The following ATP9A variants were observed in gnomAD, a reference collection of about 807,000 sequenced individuals.
ATP9A encodes the protein ATPase phospholipid transporting 9A.
Under a neutral mutation model 144.1 loss-of-function variants are expected in ATP9A, and 52 were observed. The ratio of observed to expected loss-of-function variants is 0.36; its 90% CI spans 0.29 to 0.45. The LOEUF is 0.45. Among genes scored for constraint, ATP9A ranks in the 20% least tolerant of loss-of-function variants. The probability of loss-of-function intolerance (pLI) is 1.00; values close to 1 mark genes in which losing one functional copy is unlikely to be tolerated. For missense variants in ATP9A, 947 were observed against 1,392.7 expected, an observed-to-expected ratio of 0.68 and a Z score of 5.09; for synonymous variants, 582 against 557.4, an observed-to-expected ratio of 1.04 and a Z score of -0.62.
intron 21 of ATP9A, among the ~76,000 whole-genome samples, chr20:51,618,297 C>A (rs999280196): frequency 3.3e-5 from 5 of 151,790 alleles, no homozygotes; most frequent in Non-Finnish European, 7.4e-5. Context: ...CCCATTCTAC[C>A]ATAAGCAAAC....
chr20:51,653,830 C>G lies in ATP9A; in HGVS notation c.1506+3108G>C, dbSNP rs532349463. Among the ~76,000 whole-genome samples, 12 of 151,882 alleles carry G rather than the reference C, an allele frequency of 7.9e-5. No individual in the cohort carries two copies. The South Asian group carries it at 1.0e-3, about 13-fold the overall frequency. On this transcript the variant is annotated intron_variant, in intron 14 of 27. Transcript: ENST00000338821. ...CCTGTAGTCCCAGCACTATGGGAGG[C>G]TGAAGGATCACTTGAGGTCAGGAGC...
intron 4 of ATP9A, among the ~76,000 whole-genome samples, chr20:51,705,594 A>G (rs1289236393): frequency 6.6e-6 from 1 of 152,230 alleles, no homozygotes; most frequent in Non-Finnish European, 1.5e-5. Flanking sequence ...CACTTCTTTC[A>G]AGGCTAATTG....
chr20:51,619,511 C>T (rs1230612026), intron 19 of ATP9A, among the ~76,000 whole-genome samples: 3 of 148,074 alleles, frequency 2.0e-5, no homozygotes, highest in African/African-American at 5.0e-5. Flanking sequence ...TGCAGTGAGC[C>T]GAGATCATGC....
At chr20:51,676,305 G>GT in intron 9 of ATP9A, 97 bp from the exon 10 acceptor site, 3 of 970,538 alleles carry the variant, frequency 3.1e-6, no homozygotes, top group South Asian at 3.3e-5. Flanking sequence ...GAGAGACTGG[G>GT]TTCTTTTTTT....
At chr20:51,651,866 T>A (rs1238994591) in intron 14 of ATP9A, among the ~76,000 whole-genome samples, 1 of 152,030 alleles carries the variant, frequency 6.6e-6, no homozygotes, top group Non-Finnish European at 1.5e-5. Flanking sequence ...GAGGCGGAGA[T>A]TGCAGTGAGC....
At chr20:51,687,896 A>G (rs953256040) in intron 9 of ATP9A, among the ~76,000 whole-genome samples, 1 of 152,234 alleles carries the variant, frequency 6.6e-6, no homozygotes. Flanking sequence ...TTCATCTAAT[A>G]GTAAAGACAG....
At chr20:51,631,208 T>C (rs1042777998) in intron 15 of ATP9A, among the ~76,000 whole-genome samples, 1 of 152,188 alleles carries the variant, frequency 6.6e-6, no homozygotes, top group Non-Finnish European at 1.5e-5. Flanking sequence ...AACTTTCAAA[T>C]GCCCCTTAAT....
chr20:51,768,227 G>T, intron 1 of ATP9A, 75 bp downstream of exon 1: 2 of 1,027,438 alleles, frequency 1.9e-6, no homozygotes, highest in African/African-American at 1.7e-5. Context: ...AACCTGTCAG[G>T]CCCGGCCAGG....
At chr20:51,654,464 A>G (rs2077379312) in intron 14 of ATP9A, among the ~76,000 whole-genome samples, 1 of 151,198 alleles carries the variant, frequency 6.6e-6, no homozygotes. Flanking sequence ...AAATGGGTTA[A>G]AAAAAAAATT....
At chr20:51,765,896 G>A (rs1409085757) in intron 1 of ATP9A, among the ~76,000 whole-genome samples, 1 of 152,088 alleles carries the variant, frequency 6.6e-6, no homozygotes, top group Non-Finnish European at 1.5e-5. Context: ...GGCAGAGGTT[G>A]CAGTGGGCCA....
chr20:51,744,699 TC>T (rs1326418107), intron 1 of ATP9A, among the ~76,000 whole-genome samples: 1 of 152,112 alleles, frequency 6.6e-6, no homozygotes, highest in African/African-American at 2.4e-5. Context: ...TGCTGGGAGT[TC>T]CCCTATAATC....
In ATP9A at chr20:51,610,150, C is replaced by T. The variant is rs776080418; in HGVS notation, c.2587G>A (p.Val863Met). The change falls in exon 24 of 28, where the codon GTG becomes ATG. Residue 863 changes from valine to methionine, a missense_variant. Transcript: ENST00000338821. ...ISTMQAVFSS[V>M]FYFASVPLYQ... is the part of the protein sequence containing the mutation. Reference sequence around the variant, plus strand: ...AGAGGGACGGAGGCAAAGTAAAACACGGAGGAAAAGACAGCCTGTGCCAAG... The same window carrying T: ...AGAGGGACGGAGGCAAAGTAAAACATGGAGGAAAAGACAGCCTGTGCCAAG... 8 of 1,610,226 alleles carry T rather than the reference C, an allele frequency of 5.0e-6. No homozygotes were observed. Among genetic ancestry groups the T allele is most frequent in the Non-Finnish European group, 6.8e-6 (8 of 1,176,510 alleles).
intron 24 of ATP9A, 100 bp from the exon 25 acceptor site, chr20:51,608,726 A>C: frequency 1.3e-6 from 1 of 758,504 alleles, no homozygotes; most frequent in Non-Finnish European, 2.4e-6. Context: ...GCCTCTAACA[A>C]ATATTTACTG....
At position 51,699,333 on chromosome 20, in the gene ATP9A, CAAAA is replaced by C. The variant is rs74175569; in HGVS notation, c.437-1855_437-1852del. On this transcript the variant is annotated intron_variant, in intron 4 of 27. Transcript: ENST00000338821. ...GGGCGACACAAGCAAAACTCAATCT[CAAAA>C]AAAAAAAAAAAAAAAAAGAACTTAA... 1.7e-4 allele frequency among the ~76,000 whole-genome samples: 12 copies of C among 70,458 alleles called. No homozygotes were observed. In the South Asian group the frequency reaches 3.1e-3, roughly 18 times the overall value. The allele number at this position is 70,458 out of a possible 152,430, so 46.2% of individuals were successfully genotyped here.
At chr20:51,742,540 G>A (rs564712152) in intron 1 of ATP9A, among the ~76,000 whole-genome samples, 50 of 151,336 alleles carry the variant, frequency 3.3e-4, no homozygotes, top group Admixed American at 2.2e-3. Flanking sequence ...TTTTTGAGAC[G>A]CAGTCTTGCT....
chr20:51,768,343 C>T lies in ATP9A; in HGVS notation c.27G>A (p.Pro9=). The T allele has an allele frequency of 7.7e-7, 1 of 1,304,862 alleles. No individual in the cohort carries two copies. Among genetic ancestry groups the T allele is most frequent in the Non-Finnish European group, 9.8e-7 (1 of 1,016,484 alleles). 80.8% of individuals were successfully genotyped at this position (1,304,862 alleles called of 1,614,324 possible). The change falls in exon 1 of 28, where the codon CCG becomes CCA. Residue 9 remains proline (P), a synonymous_variant. Transcript: ENST00000338821. Reference sequence around the variant, plus strand: ...TGTCCATCCGCTTCTTCTGGCGCACCGGCTGCAGCGGGATGTTGTCCGTCA... The same window carrying T: ...TGTCCATCCGCTTCTTCTGGCGCACTGGCTGCAGCGGGATGTTGTCCGTCA... MTDNIPLQ[P]VRQKKRMDSR...
In ATP9A at chr20:51,639,582, C is replaced by T. The variant is rs1229605794; in HGVS notation, c.1507-78G>A. 2.8e-6 allele frequency: 4 copies of T among 1,423,746 alleles called. No individual in the cohort carries two copies. The East Asian group carries it at 9.4e-5, about 34-fold the overall frequency. The allele number at this position is 1,423,746 out of a possible 1,614,324, so 88.2% of individuals were successfully genotyped here. A position where few individuals can be genotyped will look rare whatever the true frequency, so the allele number is the denominator to read the frequency against. ...ACAGGCTGTGCTATGAACACAAAGG[C>T]AGAAGGGGGCTCAGAGACAGGGGAA... On this transcript the variant is annotated intron_variant, in intron 14 of 27. Transcript: ENST00000338821.
intron 18 of ATP9A, among the ~76,000 whole-genome samples, chr20:51,623,801 A>AAAAAGAAAG (rs558189054): frequency 0.016 from 2,123 of 133,280 alleles, 79 homozygotes; most frequent in African/African-American, 0.058. Flanking sequence ...AAAAAAAAAA[A>AAAAAGAAAG]AAAGAAAGAA....
At chr20:51,619,320 T>C (rs1377317929) in intron 19 of ATP9A, among the ~76,000 whole-genome samples, 1 of 152,126 alleles carries the variant, frequency 6.6e-6, no homozygotes, top group African/African-American at 2.4e-5. Flanking sequence ...TCCCAGCACT[T>C]TGGGAGGCTG....
Sources: gnomAD v4.1 joint callset for allele counts (sites outside exome capture counted in the v4.1 genomes callset) on GRCh38, gnomAD v4.1.1 for gene constraint, MANE v1.5 for transcripts, NCBI Gene and HGNC (gene_info 2026-07-23, HGNC 2026-07-21) for gene names.